Variants in C5orf22 observed in about 807,000 individuals in gnomAD.
The protein encoded by C5orf22 is UPF0489 protein C5orf22.
Under a neutral mutation model 48.7 loss-of-function variants are expected in C5orf22, and 36 were observed. That is an observed-to-expected ratio of 0.74 (90% CI 0.57 to 0.98). C5orf22 has a LOEUF of 0.98. C5orf22 is among the 50% of genes least tolerant of loss of function. The pLI, the probability that C5orf22 is intolerant of heterozygous loss-of-function variation, is 0.00. For synonymous variants in C5orf22, 141 were observed against 180.8 expected, an observed-to-expected ratio of 0.78 and a Z score of 1.76; for missense variants, 486 against 521.9, an observed-to-expected ratio of 0.93 and a Z score of 0.67.
intron 6 of C5orf22, among the ~76,000 whole-genome samples, chr5:31,544,171 T>G (rs1405040451): frequency 1.3e-5 from 2 of 152,178 alleles, no homozygotes; most frequent in African/African-American, 4.8e-5. Context: ...CATGCCTCCT[T>G]TTTTCTTTCT....
chr5:31,544,151 G>T (rs370646065), intron 6 of C5orf22, among the ~76,000 whole-genome samples: 18 of 152,292 alleles, frequency 1.2e-4, no homozygotes, highest in African/African-American at 4.3e-4. Context: ...TGGGCAAGCA[G>T]GCAGGCCTCC....
intron 4 of C5orf22, among the ~76,000 whole-genome samples, chr5:31,540,160 T>G (rs2150074215): frequency 6.6e-6 from 1 of 152,334 alleles, no homozygotes; most frequent in Non-Finnish European, 1.5e-5. Context: ...ACCCATAGTT[T>G]CTTCAAGTAT....
chr5:31,544,539 G>C (rs972450758), intron 6 of C5orf22, among the ~76,000 whole-genome samples: 2 of 151,512 alleles, frequency 1.3e-5, no homozygotes, highest in Non-Finnish European at 2.9e-5. Context: ...AGCCGAGATC[G>C]TGCCACTGCA....
chr5:31,552,908 AC>A lies in C5orf22; in HGVS notation c.*7del. ...CAGAGTCTCCTCCATCTTGAAACAA[AC>A]AAAACATTAGGCTCCTGTTGTATCT... On this transcript the variant is annotated 3_prime_UTR_variant, in exon 9 of 9. Coordinates refer to ENST00000325366, the MANE Select transcript of C5orf22 (RefSeq NM_018356.3). 1 of 1,612,964 alleles carries A rather than the reference AC, an allele frequency of 6.2e-7. No homozygotes were observed. Among genetic ancestry groups the A allele is most frequent in the Non-Finnish European group, 8.5e-7 (1 of 1,179,346 alleles).
intron 6 of C5orf22, among the ~76,000 whole-genome samples, chr5:31,542,387 G>C (rs1742524097): frequency 6.9e-6 from 1 of 145,552 alleles, no homozygotes; most frequent in East Asian, 2.1e-4. Context: ...GTGAATCCGG[G>C]AGGCGGAGCT....
chr5:31,544,567 GA>G (rs1413554273), intron 6 of C5orf22, among the ~76,000 whole-genome samples: 4 of 151,496 alleles, frequency 2.6e-5, no homozygotes, highest in Admixed American at 6.6e-5. Flanking sequence ...CTGGGCAACA[GA>G]GTGAGACTCT....
chr5:31,537,669 CA>C (rs1034928608), intron 3 of C5orf22, among the ~76,000 whole-genome samples: 11 of 152,138 alleles, frequency 7.2e-5, no homozygotes, highest in African/African-American at 2.4e-4. Flanking sequence ...TAAAATATGT[CA>C]GGGGGAGTTT....
In C5orf22 at chr5:31,535,778, G is replaced by A. The variant is rs1305494865; in HGVS notation, c.262G>A (p.Val88Ile). The part of the protein sequence containing the change: ...LSIENWIMPA[V>I]YAGHFSHVIW... ...TATTGAAAATTGGATTATGCCTGCA[G>A]TTTATGCTGGCCATTTTTCACATGT... The change falls in exon 3 of 9, where the codon GTT (valine) becomes ATT (isoleucine). Residue 88 changes from valine to isoleucine, a missense_variant. Physicochemically the swap from Val to Ile is conservative, Grantham distance 29. Coordinates refer to ENST00000325366, the MANE Select transcript of C5orf22 (RefSeq NM_018356.3). 6.2e-7 allele frequency: 1 copy of A among 1,612,480 alleles called. No homozygotes were observed.
intron 6 of C5orf22, 111 bp from the exon 7 acceptor site, chr5:31,545,535 G>A (rs1174662978): frequency 1.3e-6 from 1 of 750,816 alleles, no homozygotes; most frequent in Non-Finnish European, 2.4e-6. Flanking sequence ...TTTCCCAAGT[G>A]CCATATGAAG....
intron 5 of C5orf22, 102 bp from the exon 6 acceptor site, chr5:31,541,179 A>G (rs1357840325): frequency 3.9e-6 from 5 of 1,290,384 alleles, no homozygotes; most frequent in Middle Eastern, 2.3e-4. Context: ...AGTACTTGAA[A>G]ATTATGTTTT....
At chr5:31,536,015 A>C in intron 3 of C5orf22, 122 bp downstream of exon 3, 1 of 906,386 alleles carries the variant, frequency 1.1e-6, no homozygotes, top group Non-Finnish European at 1.7e-6. Context: ...CGACTTCTCC[A>C]AAGAGTTCTC....
At chr5:31,548,479 C>T (rs1341774324) in intron 7 of C5orf22, 1 of 420,602 alleles carries the variant, frequency 2.4e-6, no homozygotes, top group Non-Finnish European at 4.7e-6. Context: ...CAAGAGTCAC[C>T]TTTGTTCCAG....
intron 1 of C5orf22, among the ~76,000 whole-genome samples, chr5:31,533,908 A>AG (rs1478413921): frequency 6.6e-6 from 1 of 152,090 alleles, no homozygotes; most frequent in Non-Finnish European, 1.5e-5. Context: ...CCCTTTTTAA[A>AG]GGAAAAAAAA....
rs755637447 is a variant in C5orf22 at position 31,535,818 on chromosome 5, C to G, written c.302C>G (p.Pro101Arg). 6.2e-7 allele frequency: 1 copy of G among 1,613,006 alleles called. No individual in the cohort carries two copies. The highest frequency in any genetic ancestry group is 8.5e-7 in the Non-Finnish European group (1 of 1,179,382). ...TTTTCACATGTAATATGGTTTCATC[C>G]CACATGGGCTCAGCAGATCAGAGAG... ...GHFSHVIWFH[P>R]TWAQQIREGR... The change falls in exon 3 of 9, where the codon CCC becomes CGC. Residue 101 changes from proline (P) to arginine (R), a missense_variant. Transcript: ENST00000325366.
intron 8 of C5orf22, 69 bp downstream of exon 8, chr5:31,551,501 A>G: frequency 1.6e-6 from 2 of 1,214,282 alleles, no homozygotes; most frequent in Admixed American, 2.2e-5. Context: ...ACCTGTGAAT[A>G]TGTTACATTA....
Position 31,535,938 on chromosome 5 carries a change from T to C in C5orf22, c.377+45T>C, listed in dbSNP as rs114007057. 3,630 of 1,581,122 alleles carry C rather than the reference T, an allele frequency of 2.3e-3. 83 individuals are homozygous for C. The African/African-American group carries it at 0.044, about 19-fold the overall frequency. On this transcript the variant is annotated intron_variant, in intron 3 of 8. Coordinates refer to ENST00000325366, the MANE Select transcript of C5orf22 (RefSeq NM_018356.3). ...GAATATGGAAGTGATTGAATGTTTC[T>C]ATCTTATTTTGGATTCCTATAATAA...
intron 4 of C5orf22, 153 bp from the exon 5 acceptor site, chr5:31,540,796 A>G: frequency 1.7e-6 from 1 of 605,572 alleles, no homozygotes; most frequent in Non-Finnish European, 3.0e-6. Context: ...AATCTAAAGT[A>G]TACATTTTGC....
intron 2 of C5orf22, chr5:31,534,638 A>G (rs568593524): frequency 4.7e-4 from 240 of 507,472 alleles, no homozygotes; most frequent in African/African-American, 4.3e-3. Context: ...CTCTGTTGCA[A>G]CTATTAATCT....
In C5orf22 at chr5:31,541,366, A is replaced by G; in HGVS notation, c.956A>G (p.Asp319Gly). ...ATFADLCDGD[D>G]EETVQRWASN... Reference sequence around the variant, plus strand: ...TTCGCTGATTTGTGTGATGGTGATGATGAAGAAACGGTACAGAGATGGGCT... The same window carrying G: ...TTCGCTGATTTGTGTGATGGTGATGGTGAAGAAACGGTACAGAGATGGGCT... Residue 319 changes from aspartate (D) to glycine (G), a missense_variant, in exon 6 of 9, where the codon GAT becomes GGT. Asp to Gly is a moderately conservative substitution (Grantham distance 94, BLOSUM62 -1). Transcript: ENST00000325366. The G allele has an allele frequency of 6.2e-7, 1 of 1,614,142 alleles. No individual in the cohort carries two copies. Among genetic ancestry groups the G allele is most frequent in the Non-Finnish European group, 8.5e-7 (1 of 1,179,984 alleles).
Sources: allele counts gnomAD v4.1 joint callset (sites outside exome capture counted in the v4.1 genomes callset), GRCh38; gene constraint gnomAD v4.1.1; transcripts MANE v1.5; gene names NCBI Gene and HGNC (gene_info 2026-07-23, HGNC 2026-07-21).